GNPDA2: variants seen among roughly 807,000 people sequenced by gnomAD.
GNPDA2 encodes the protein glcN6P deaminase 2.
GNPDA2 carries 24 observed loss-of-function variants against 27.0 expected under a neutral mutation model. The observed-to-expected ratio is 0.89, with a 90% CI of 0.64 to 1.25. The LOEUF (loss-of-function observed/expected upper bound fraction) is 1.25, where lower values mean the gene tolerates loss of function less well. Among genes scored for constraint, GNPDA2 ranks in the 50% most tolerant of loss-of-function variants. The pLI is 0.00. For missense variants in GNPDA2, 286 were observed against 335.1 expected (o/e 0.85, Z 1.14); for synonymous variants, 94 against 108.4 (o/e 0.87, Z 0.83).
intron 5 of GNPDA2, among the ~76,000 whole-genome samples, chr4:44,710,136 A>G (rs1716881952): frequency 6.6e-6 from 1 of 152,200 alleles, no homozygotes; most frequent in Non-Finnish European, 1.5e-5. Flanking sequence ...ATGAAGTTTC[A>G]GTCCTTGAAA....
intron 2 of GNPDA2, 105 bp downstream of exon 2, chr4:44,721,979 T>C (rs1486858697): frequency 6.0e-6 from 5 of 829,992 alleles, no homozygotes; most frequent in Non-Finnish European, 9.5e-6. Context: ...ATTAGTGACA[T>C]GCCAATAAAT....
intron 2 of GNPDA2, among the ~76,000 whole-genome samples, chr4:44,720,035 C>T (rs1035733879): frequency 1.1e-4 from 16 of 151,886 alleles, no homozygotes; most frequent in Non-Finnish European, 7.4e-5. Context: ...TACAATCTTG[C>T]GAGTTGGAAG....
intron 1 of GNPDA2, among the ~76,000 whole-genome samples, chr4:44,725,973 T>G (rs1179179841): frequency 2.0e-5 from 3 of 152,060 alleles, no homozygotes; most frequent in Admixed American, 2.0e-4. Context: ...TTGCAGAACC[T>G]CTGCTCTGAG....
intron 1 of GNPDA2, among the ~76,000 whole-genome samples, chr4:44,723,903 G>C (rs1717840345): frequency 6.6e-6 from 1 of 152,118 alleles, no homozygotes; most frequent in Non-Finnish European, 1.5e-5. Flanking sequence ...CCCCTTATCT[G>C]CATGAAGGAT....
intron 4 of GNPDA2, among the ~76,000 whole-genome samples, chr4:44,715,859 G>A (rs1465534348): frequency 2.6e-5 from 4 of 151,994 alleles, no homozygotes; most frequent in African/African-American, 7.2e-5. Flanking sequence ...TTAAAGAGAA[G>A]ATTTCAGTCT....
At position 44,717,198 on chromosome 4, in the gene GNPDA2, G is replaced by A. The variant is rs374535255; in HGVS notation, c.324C>T (p.Asp108=). Residue 108 remains aspartate, a synonymous_variant, in exon 4 of 7, where the codon GAC becomes GAT. Transcript: ENST00000295448. The part of the protein sequence containing the change: ...DIDPNNAHIL[D]GNAADLQAEC... Reference sequence around the variant, plus strand: ...CTGCTTGTAAATCTGCAGCATTCCCGTCAAGGATATGTGCATTATTAGGAT... The same window carrying A: ...CTGCTTGTAAATCTGCAGCATTCCCATCAAGGATATGTGCATTATTAGGAT... The A allele has an allele frequency of 2.7e-5, 43 of 1,604,750 alleles. No homozygotes were observed. The highest frequency in any genetic ancestry group is 6.7e-5 in the South Asian group (6 of 89,776).
chr4:44,720,943 G>C (rs1179728153), intron 2 of GNPDA2, among the ~76,000 whole-genome samples: 1 of 151,978 alleles, frequency 6.6e-6, no homozygotes, highest in African/African-American at 2.4e-5. Flanking sequence ...ACAGAGGTAG[G>C]CTGAGTGTAA....
Position 44,706,310 on chromosome 4 carries a change from A to G in GNPDA2, c.769+1442T>C, listed in dbSNP as rs1716602683. 3 of 142,190 alleles carry G rather than the reference A, an allele frequency of 2.1e-5. No individual in the cohort carries two copies. The South Asian group carries it at 6.7e-4, about 32-fold the overall frequency. 8.8% of individuals were successfully genotyped at this position (142,190 alleles called of 1,614,324 possible). On this transcript the variant is annotated intron_variant, in intron 6 of 6. Coordinates refer to ENST00000295448, the MANE Select transcript of GNPDA2 (RefSeq NM_138335.3). The stretch of plus-strand genomic sequence containing the variant: ...AAATATAAATGACTAGAAATAATCT[A>G]AGTGTTAATAAGGAAATGTTTAAAT...
chr4:44,705,449 C>T (rs1467400354), intron 6 of GNPDA2: 36 of 985,062 alleles, frequency 3.7e-5, no homozygotes, highest in Admixed American at 6.2e-5. Context: ...GTGGAAAATA[C>T]TGTGTCCTCT....
chr4:44,723,350 C>A (rs2109725931), intron 1 of GNPDA2, among the ~76,000 whole-genome samples: 1 of 152,130 alleles, frequency 6.6e-6, no homozygotes, highest in African/African-American at 2.4e-5. Flanking sequence ...GTATCTATCA[C>A]CTGAATAATG....
chr4:44,704,697 G>C (rs1716478140), intron 6 of GNPDA2: 7 of 969,666 alleles, frequency 7.2e-6, no homozygotes, highest in African/African-American at 1.8e-5. Context: ...TAATTCTTCT[G>C]ATAAAAATGC....
In GNPDA2 at chr4:44,703,034, G is replaced by C. The variant is rs757518098; in HGVS notation, c.*47C>G. ...TAGCTGAAAATTCATCTACTACTTA[G>C]TAAAAAGTGCTCTGTTCATTCAAGC... On this transcript the variant is annotated 3_prime_UTR_variant, in exon 7 of 7. Coordinates refer to ENST00000295448, the MANE Select transcript of GNPDA2 (RefSeq NM_138335.3). 3.7e-6 allele frequency: 6 copies of C among 1,603,336 alleles called. No individual in the cohort carries two copies. The South Asian group carries it at 6.8e-5, about 18-fold the overall frequency.
chr4:44,725,877 C>G (rs1390039932), intron 1 of GNPDA2, among the ~76,000 whole-genome samples: 2 of 152,166 alleles, frequency 1.3e-5, no homozygotes, highest in Non-Finnish European at 2.9e-5. Context: ...GAATATAAAT[C>G]GCAAAACTTC....
chr4:44,702,945 T>C lies in GNPDA2; in HGVS notation c.*136A>G. On this transcript the variant is annotated 3_prime_UTR_variant, in exon 7 of 7. Transcript: ENST00000295448. ...ATAAATATTCAAAATATGGAATGTT[T>C]AACATAGAGACTCGAATGAAAAAAT... 2 of 1,503,960 alleles carry C rather than the reference T, an allele frequency of 1.3e-6. No individual in the cohort carries two copies. The highest frequency in any genetic ancestry group is 1.8e-6 in the Non-Finnish European group (2 of 1,136,042). The allele number at this position is 1,503,960 out of a possible 1,614,324, so 93.2% of individuals were successfully genotyped here.
chr4:44,722,262 G>C lies in GNPDA2; in HGVS notation c.-35-20C>G. The C allele has an allele frequency of 2.5e-6, 4 of 1,576,120 alleles. No homozygotes were observed. Among genetic ancestry groups the C allele is most frequent in the Non-Finnish European group, 3.5e-6 (4 of 1,158,920 alleles). On this transcript the variant is annotated intron_variant, in intron 1 of 6. Transcript: ENST00000295448. ...TCAAACCTGAGAAAAGTCCATTGTA[G>C]AACACTTTACATAATAAACAGATAA...
At chr4:44,722,589 T>G (rs1294888049) in intron 1 of GNPDA2, among the ~76,000 whole-genome samples, 3 of 152,198 alleles carry the variant, frequency 2.0e-5, no homozygotes, top group South Asian at 2.1e-4. Context: ...GACTTTTTTT[T>G]GTCATTATTC....
chr4:44,720,922 C>T (rs1475998693), intron 2 of GNPDA2, among the ~76,000 whole-genome samples: 1 of 151,950 alleles, frequency 6.6e-6, no homozygotes, highest in Non-Finnish European at 1.5e-5. Context: ...ATAATTAACA[C>T]AATGTTATTA....
chr4:44,704,038 G>T lies in GNPDA2; in HGVS notation c.770-896C>A, dbSNP rs1041820052. 13 of 985,122 alleles carry T rather than the reference G, an allele frequency of 1.3e-5. No homozygotes were observed. In the African/African-American group the frequency reaches 2.1e-4, roughly 16 times the overall value. 61.0% of individuals were successfully genotyped at this position (985,122 alleles called of 1,614,324 possible). A position where few individuals can be genotyped will look rare whatever the true frequency, so the allele number is the denominator to read the frequency against. On this transcript the variant is annotated intron_variant, in intron 6 of 6. Coordinates refer to ENST00000295448, the MANE Select transcript of GNPDA2 (RefSeq NM_138335.3). Reference sequence around the variant, plus strand: ...GATTGGAGAGATAGGTTGCTTGTTAGTAAACAGATGTTCCTTGTCAGAAAG... The same window carrying T: ...GATTGGAGAGATAGGTTGCTTGTTATTAAACAGATGTTCCTTGTCAGAAAG...
intron 4 of GNPDA2, among the ~76,000 whole-genome samples, chr4:44,714,056 C>T (rs1213625821): frequency 6.6e-6 from 1 of 152,130 alleles, no homozygotes; most frequent in Non-Finnish European, 1.5e-5. Context: ...ACCACAACCT[C>T]GGCCTCCCAG....
Sources: allele counts gnomAD v4.1 joint callset (sites outside exome capture counted in the v4.1 genomes callset), GRCh38; gene constraint gnomAD v4.1.1; transcripts MANE v1.5; gene names NCBI Gene and HGNC (gene_info 2026-07-23, HGNC 2026-07-21).